Variants in INPP4B observed in about 807,000 individuals in gnomAD.
INPP4B encodes the protein inositol polyphosphate-4-phosphatase type II B.
Under a neutral mutation model 122.5 loss-of-function variants are expected in INPP4B, and 55 were observed. The observed-to-expected ratio is 0.45, with a 90% CI of 0.36 to 0.56. The LOEUF is 0.56. INPP4B is among the 20% of genes least tolerant of loss of function. INPP4B has a pLI of 0.00. For synonymous variants in INPP4B, 403 were observed against 388.7 expected, an observed-to-expected ratio of 1.04 and a Z score of -0.43; for missense variants, 1,000 against 1,097.7, an observed-to-expected ratio of 0.91 and a Z score of 1.26.
intron 11 of INPP4B, among the ~76,000 whole-genome samples, chr4:142,247,217 C>T (rs182483639): frequency 0.022 from 3,394 of 152,094 alleles, 134 homozygotes; most frequent in African/African-American, 0.076. Context: ...TGAGGATTTT[C>T]GCATCAATAT....
intron 2 of INPP4B, among the ~76,000 whole-genome samples, chr4:142,619,038 A>T (rs1184167029): frequency 6.6e-6 from 1 of 152,034 alleles, no homozygotes; most frequent in East Asian, 1.9e-4. Flanking sequence ...CCACATTGAG[A>T]TGTCACCTTA....
intron 2 of INPP4B, among the ~76,000 whole-genome samples, chr4:142,495,241 T>A (rs553334172): frequency 6.6e-6 from 1 of 152,176 alleles, no homozygotes; most frequent in African/African-American, 2.4e-5. Context: ...CCCAGAAAAA[T>A]TAATAAATAG....
At chr4:142,819,661 A>G (rs889821978) in intron 1 of INPP4B, among the ~76,000 whole-genome samples, 1 of 152,126 alleles carries the variant, frequency 6.6e-6, no homozygotes, top group Non-Finnish European at 1.5e-5. Flanking sequence ...GGCCGTAGTA[A>G]GTTGGTAAAA....
intron 1 of INPP4B, among the ~76,000 whole-genome samples, chr4:142,843,158 G>C (rs1783767512): frequency 1.3e-5 from 2 of 151,014 alleles, no homozygotes; most frequent in Admixed American, 1.3e-4. Flanking sequence ...TCTTTTCTAG[G>C]TATATACTGC....
At position 142,108,207 on chromosome 4, in the gene INPP4B, G is replaced by T. The variant is rs762951545; in HGVS notation, c.2277-17C>A. On this transcript the variant is annotated splice_polypyrimidine_tract_variant and intron_variant, in intron 22 of 25. Coordinates refer to ENST00000262992, the MANE Select transcript of INPP4B (RefSeq NM_001101669.3). ...TCTCCAAACCTACAAACAGAAAAAAGAAAACAGCTGTGGGTTATAAAACGG... is the reference window on the plus strand; with the variant it reads ...TCTCCAAACCTACAAACAGAAAAAATAAAACAGCTGTGGGTTATAAAACGG... 1 of 1,381,828 alleles carries T rather than the reference G, an allele frequency of 7.2e-7. No homozygotes were observed. The highest frequency in any genetic ancestry group is 1.0e-6 in the Non-Finnish European group (1 of 972,968). 85.6% of individuals were successfully genotyped at this position (1,381,828 alleles called of 1,614,324 possible).
At chr4:142,839,715 G>A (rs1783250971) in intron 1 of INPP4B, among the ~76,000 whole-genome samples, 1 of 152,214 alleles carries the variant, frequency 6.6e-6, no homozygotes, top group African/African-American at 2.4e-5. Flanking sequence ...TAAATGAAAT[G>A]AGAATGGCCA....
intron 12 of INPP4B, among the ~76,000 whole-genome samples, chr4:142,236,040 C>A (rs1856568180): frequency 6.6e-6 from 1 of 152,160 alleles, no homozygotes; most frequent in South Asian, 2.1e-4. Context: ...AAGCCCTAGT[C>A]CTAAATTATT....
At chr4:142,628,656 T>C (rs943172281) in intron 2 of INPP4B, among the ~76,000 whole-genome samples, 8 of 152,022 alleles carry the variant, frequency 5.3e-5, no homozygotes, top group Admixed American at 1.3e-4. Flanking sequence ...GTAGGTTATT[T>C]ATATTTTTCT....
chr4:142,815,423 ACT>A (rs2151135364), intron 1 of INPP4B, among the ~76,000 whole-genome samples: 1 of 152,086 alleles, frequency 6.6e-6, no homozygotes, highest in East Asian at 1.9e-4. Context: ...ATGCATGGAA[ACT>A]CTATTTCCTT....
chr4:142,372,567 T>C (rs1790321400), intron 7 of INPP4B, among the ~76,000 whole-genome samples: 1 of 151,976 alleles, frequency 6.6e-6, no homozygotes, highest in South Asian at 2.1e-4. Context: ...GCAGAAAATA[T>C]CATATGCATT....
At chr4:142,788,154 T>C (rs1208646132) in intron 1 of INPP4B, among the ~76,000 whole-genome samples, 1 of 152,108 alleles carries the variant, frequency 6.6e-6, no homozygotes, top group Non-Finnish European at 1.5e-5. Context: ...CAATAAACAC[T>C]TAGTACATTT....
In INPP4B at chr4:142,152,066, C is replaced by CTTTTTTTTTT. The variant is rs572092121; in HGVS notation, c.1564-6080_1564-6071dup. ...TGCCTAACATGCTTTTTTGTCTTTT[C>CTTTTTTTTTT]TTTTTTTTTTTTTTTTTTTTTTTTT... On this transcript the variant is annotated intron_variant, in intron 17 of 25. Transcript: ENST00000262992. Among the ~76,000 whole-genome samples, 112 of 69,948 alleles carry CTTTTTTTTTT rather than the reference C, an allele frequency of 1.6e-3. 12 individuals carry two copies. Among genetic ancestry groups the CTTTTTTTTTT allele is most frequent in the African/African-American group, 5.9e-3 (107 of 17,998 alleles). The allele number at this position is 69,948 out of a possible 152,430, so 45.9% of individuals were successfully genotyped here.
At chr4:142,227,876 A>AG (rs1852292987) in intron 12 of INPP4B, among the ~76,000 whole-genome samples, 1 of 150,478 alleles carries the variant, frequency 6.6e-6, no homozygotes, top group Non-Finnish European at 1.5e-5. Flanking sequence ...AAAAAAAAAA[A>AG]AAAAGAAAAA....
At chr4:142,235,070 A>G (rs1030145256) in intron 12 of INPP4B, among the ~76,000 whole-genome samples, 13 of 152,304 alleles carry the variant, frequency 8.5e-5, no homozygotes, top group African/African-American at 3.1e-4. Context: ...TTTGCTATCA[A>G]TGAATGGAGA....
At chr4:142,201,581 C>T (rs2636690) in intron 14 of INPP4B, among the ~76,000 whole-genome samples, 137,594 of 151,954 alleles carry the variant, frequency 0.91, 62,579 homozygotes, top group East Asian at 0.96. Flanking sequence ...GTCTCTTCAG[C>T]TGATGAAGAA....
intron 1 of INPP4B, among the ~76,000 whole-genome samples, chr4:142,764,237 A>G (rs1771757489): frequency 6.6e-6 from 1 of 152,174 alleles, no homozygotes; most frequent in African/African-American, 2.4e-5. Context: ...AAAACTCACA[A>G]GCAAACTAAA....
chr4:142,687,638 GT>G (rs1560961799), intron 2 of INPP4B, among the ~76,000 whole-genome samples: 1 of 151,620 alleles, frequency 6.6e-6, no homozygotes, highest in Non-Finnish European at 1.5e-5. Context: ...AGTTGTGCGG[GT>G]TCTGCAGGGC....
chr4:142,837,524 C>T (rs1030615499), intron 1 of INPP4B, among the ~76,000 whole-genome samples: 9 of 152,028 alleles, frequency 5.9e-5, no homozygotes, highest in African/African-American at 2.2e-4. Flanking sequence ...AAAATATTGT[C>T]CTCCCTTTAT....
At chr4:142,134,797 CAAAAAAAAAAAAA>C (rs58297348) in intron 18 of INPP4B, among the ~76,000 whole-genome samples, 3 of 51,298 alleles carry the variant, frequency 5.8e-5, no homozygotes, top group Non-Finnish European at 1.3e-4. Context: ...AACTCTGTCT[CAAAAAAAAAAAAA>C]AAAAAAAAAA....
Sources: gnomAD v4.1 joint callset for allele counts (sites outside exome capture counted in the v4.1 genomes callset) on GRCh38, gnomAD v4.1.1 for gene constraint, MANE v1.5 for transcripts, NCBI Gene and HGNC (gene_info 2026-07-23, HGNC 2026-07-21) for gene names.